The following PDSS2 variants were observed in gnomAD, a reference collection of about 807,000 sequenced individuals.
PDSS2 encodes decaprenyl diphosphate synthase subunit 2.
PDSS2 carries 31 observed loss-of-function variants against 44.5 expected under a neutral mutation model. The ratio of observed to expected loss-of-function variants is 0.70; its 90% CI spans 0.52 to 0.94. The LOEUF is 0.94. Among genes scored for constraint, PDSS2 ranks in the 40% least tolerant of loss-of-function variants. The pLI, the probability that PDSS2 is intolerant of heterozygous loss-of-function variation, is 0.00. For missense variants in PDSS2, 452 were observed against 482.2 expected (o/e 0.94, Z 0.59); for synonymous variants, 157 against 180.3 (o/e 0.87, Z 1.03).
chr6:107,211,063 C>T (rs2114628244), intron 5 of PDSS2, among the ~76,000 whole-genome samples: 1 of 151,306 alleles, frequency 6.6e-6, no homozygotes, highest in East Asian at 1.9e-4. Flanking sequence ...TTCCCTAATA[C>T]ATTCCTTTTC....
At chr6:107,391,501 C>A (rs1050082641) in intron 1 of PDSS2, among the ~76,000 whole-genome samples, 4 of 151,904 alleles carry the variant, frequency 2.6e-5, no homozygotes, top group Admixed American at 6.6e-5. Flanking sequence ...GGGGGGATTA[C>A]AAAGCAGGTA....
chr6:107,381,520 T>C (rs1237179074), intron 1 of PDSS2, among the ~76,000 whole-genome samples: 1 of 152,208 alleles, frequency 6.6e-6, no homozygotes, highest in Non-Finnish European at 1.5e-5. Flanking sequence ...ATTAAATTCA[T>C]TAGGTGTTGT....
intron 4 of PDSS2, among the ~76,000 whole-genome samples, chr6:107,213,774 A>G (rs1233911051): frequency 6.6e-6 from 1 of 152,134 alleles, no homozygotes; most frequent in Non-Finnish European, 1.5e-5. Context: ...AAACAAACAA[A>G]GCAAAAGAAA....
At chr6:107,388,815 G>A (rs1415251916) in intron 1 of PDSS2, among the ~76,000 whole-genome samples, 1 of 152,094 alleles carries the variant, frequency 6.6e-6, no homozygotes, top group Non-Finnish European at 1.5e-5. Flanking sequence ...GCAACCACAT[G>A]TCATTTAAAA....
intron 1 of PDSS2, among the ~76,000 whole-genome samples, chr6:107,416,593 G>A (rs1780668236): frequency 6.6e-6 from 1 of 152,074 alleles, no homozygotes; most frequent in African/African-American, 2.4e-5. Context: ...TCTGGCAAAG[G>A]GCAACAAACA....
At chr6:107,343,098 C>A (rs1243270118) in intron 1 of PDSS2, among the ~76,000 whole-genome samples, 3 of 152,176 alleles carry the variant, frequency 2.0e-5, no homozygotes, top group Non-Finnish European at 4.4e-5. Context: ...AAGTGAGCCA[C>A]CACACCAGGT....
intron 1 of PDSS2, among the ~76,000 whole-genome samples, chr6:107,369,263 C>G (rs1425969193): frequency 6.6e-6 from 1 of 151,902 alleles, no homozygotes; most frequent in Admixed American, 6.6e-5. Flanking sequence ...ACTAAAAATA[C>G]AAAAATTAGC....
At chr6:107,313,575 A>G (rs1297371047) in intron 2 of PDSS2, among the ~76,000 whole-genome samples, 2 of 151,674 alleles carry the variant, frequency 1.3e-5, no homozygotes, top group Non-Finnish European at 2.9e-5. Flanking sequence ...CTGGTCTCGA[A>G]CTCCTGACCT....
intron 3 of PDSS2, among the ~76,000 whole-genome samples, chr6:107,272,749 G>T (rs2114937069): frequency 6.6e-6 from 1 of 152,140 alleles, no homozygotes; most frequent in African/African-American, 2.4e-5. Flanking sequence ...TTGGGAGGTT[G>T]AGGTGGGAGG....
At chr6:107,163,831 G>C (rs1244108349) in intron 7 of PDSS2, among the ~76,000 whole-genome samples, 1 of 152,146 alleles carries the variant, frequency 6.6e-6, no homozygotes, top group Non-Finnish European at 1.5e-5. Context: ...TTGAACTCCT[G>C]ACCTCAGGTG....
chr6:107,337,788 C>T (rs1016374502), intron 1 of PDSS2, among the ~76,000 whole-genome samples: 5 of 152,134 alleles, frequency 3.3e-5, no homozygotes, highest in African/African-American at 9.7e-5. Flanking sequence ...TTTTCTACCT[C>T]CTCAAATAAC....
At chr6:107,282,555 G>A (rs1173200257) in intron 2 of PDSS2, among the ~76,000 whole-genome samples, 3 of 151,994 alleles carry the variant, frequency 2.0e-5, no homozygotes, top group East Asian at 3.9e-4. Flanking sequence ...ACCATACCTG[G>A]CTGCTTTTTT....
At chr6:107,289,134 AG>A (rs1179102498) in intron 2 of PDSS2, among the ~76,000 whole-genome samples, 1 of 149,886 alleles carries the variant, frequency 6.7e-6, no homozygotes, top group Non-Finnish European at 1.5e-5. Flanking sequence ...GCATTTTGGG[AG>A]GCCAAGATGG....
chr6:107,373,103 C>T (rs1583005214), intron 1 of PDSS2, among the ~76,000 whole-genome samples: 1 of 151,806 alleles, frequency 6.6e-6, no homozygotes. Context: ...CCTGCCTCAG[C>T]CTCCCAAGTA....
intron 7 of PDSS2, among the ~76,000 whole-genome samples, chr6:107,180,215 T>C (rs6568471): frequency 0.7 from 106,982 of 151,864 alleles, 37,918 homozygotes; most frequent in South Asian, 0.79. Flanking sequence ...CAGGCTCTCC[T>C]GGTGCACAGG....
At chr6:107,294,991 G>A (rs1000092844) in intron 2 of PDSS2, among the ~76,000 whole-genome samples, 1 of 151,994 alleles carries the variant, frequency 6.6e-6, no homozygotes, top group African/African-American at 2.4e-5. Flanking sequence ...GTGAAGTGGC[G>A]TGATCTTGGC....
chr6:107,279,211 T>G (rs940581141), intron 2 of PDSS2, among the ~76,000 whole-genome samples: 1 of 152,076 alleles, frequency 6.6e-6, no homozygotes, highest in African/African-American at 2.4e-5. Flanking sequence ...AGAGTGAAAC[T>G]CTGTCTCAAA....
chr6:107,331,559 G>A (rs1424100924), intron 2 of PDSS2, among the ~76,000 whole-genome samples: 1 of 152,134 alleles, frequency 6.6e-6, no homozygotes, highest in African/African-American at 2.4e-5. Flanking sequence ...TTTCCTAGAG[G>A]CTAGACAAGA....
chr6:107,379,168 C>A (rs1232170731), intron 1 of PDSS2, among the ~76,000 whole-genome samples: 2 of 152,134 alleles, frequency 1.3e-5, no homozygotes, highest in African/African-American at 4.8e-5. Context: ...ATTATTTATT[C>A]AATCATTTAT....
Sources: allele counts gnomAD v4.1 joint callset (sites outside exome capture counted in the v4.1 genomes callset), GRCh38; gene constraint gnomAD v4.1.1; transcripts MANE v1.5; gene names NCBI Gene and HGNC (gene_info 2026-07-23, HGNC 2026-07-21).